The following GREB1L variants were observed in gnomAD, a reference collection of about 807,000 sequenced individuals.
GREB1L encodes GREB1-like protein.
A neutral mutation model predicts 200.8 loss-of-function variants in GREB1L; 17 were observed. The ratio of observed to expected loss-of-function variants is 0.08; its 90% CI spans 0.06 to 0.13. The LOEUF (loss-of-function observed/expected upper bound fraction) is 0.13, where lower values mean the gene tolerates loss of function less well. Among genes scored for constraint, GREB1L ranks in the 10% least tolerant of loss-of-function variants. GREB1L has a pLI of 1.00. For missense variants in GREB1L, 1,657 were observed against 2,367.7 expected (o/e 0.70, Z 6.23); for synonymous variants, 789 against 893.0 (o/e 0.88, Z 2.08).
At chr18:21,312,534 T>TTTTATTTATTTA (rs551473535) in intron 1 of GREB1L, among the ~76,000 whole-genome samples, 46 of 150,552 alleles carry the variant, frequency 3.1e-4, no homozygotes, top group African/African-American at 1.1e-3. Flanking sequence ...TTATTCTTTA[T>TTTTATTTATTTA]TTTATTTATT....
chr18:21,386,593 C>CTT (rs35010034), intron 4 of GREB1L, among the ~76,000 whole-genome samples: 30,694 of 114,950 alleles, frequency 0.27, 6,395 homozygotes, highest in African/African-American at 0.54. Flanking sequence ...TGGCCAGTAG[C>CTT]TTTTTTTTTT....
chr18:21,431,895 T>TAA (rs1016173424), intron 7 of GREB1L, among the ~76,000 whole-genome samples: 5 of 151,278 alleles, frequency 3.3e-5, no homozygotes, highest in African/African-American at 1.2e-4. Context: ...ATTTTTGTCT[T>TAA]AGAGTCTATT....
chr18:21,489,841 A>G (rs990010962), intron 18 of GREB1L, among the ~76,000 whole-genome samples, 171 bp from the exon 19 acceptor site: 2 of 152,134 alleles, frequency 1.3e-5, no homozygotes, highest in African/African-American at 4.8e-5. Flanking sequence ...TGGAAGCTCA[A>G]CCTTTTCCTT....
At chr18:21,389,336 T>TTTTTG (rs1458992560) in intron 4 of GREB1L, among the ~76,000 whole-genome samples, 1 of 145,528 alleles carries the variant, frequency 6.9e-6, no homozygotes, top group African/African-American at 2.6e-5. Flanking sequence ...GGGGTGGGTT[T>TTTTTG]TTTTTTTTTT....
chr18:21,275,281 A>G (rs1407290709), intron 1 of GREB1L, among the ~76,000 whole-genome samples: 2 of 152,078 alleles, frequency 1.3e-5, no homozygotes, highest in Non-Finnish European at 2.9e-5. Context: ...CATAAAGGGA[A>G]GGAGAGAAAC....
chr18:21,459,179 A>G lies in GREB1L; in HGVS notation c.2182+4616A>G, dbSNP rs183089971. 2.6e-5 allele frequency among the ~76,000 whole-genome samples: 4 copies of G among 152,262 alleles called. No individual in the cohort carries two copies. The East Asian group carries it at 5.8e-4, about 22-fold the overall frequency. ...GCTGATATAGAGATTACTCTATTCA[A>G]ATGGACATAAGGCAGTTTTAAGGAA... is the stretch of plus-strand genomic sequence containing the variant. On this transcript the variant is annotated intron_variant, in intron 15 of 32. Transcript: ENST00000424526.
At chr18:21,301,902 A>G (rs2038623533) in intron 1 of GREB1L, among the ~76,000 whole-genome samples, 1 of 152,218 alleles carries the variant, frequency 6.6e-6, no homozygotes, top group South Asian at 2.1e-4. Flanking sequence ...TGATCTGGCC[A>G]TTGCTGGCAC....
At chr18:21,321,355 C>A (rs986762086) in intron 1 of GREB1L, among the ~76,000 whole-genome samples, 2 of 151,938 alleles carry the variant, frequency 1.3e-5, no homozygotes, top group African/African-American at 4.8e-5. Context: ...AATCTTCCAT[C>A]AACAGATTGA....
At chr18:21,255,347 C>T (rs984827224) in intron 1 of GREB1L, among the ~76,000 whole-genome samples, 1 of 152,148 alleles carries the variant, frequency 6.6e-6, no homozygotes, top group African/African-American at 2.4e-5. Context: ...CTTAGGCACA[C>T]AAGTCCCACT....
chr18:21,280,783 A>C (rs1050989309), intron 1 of GREB1L, among the ~76,000 whole-genome samples: 1 of 152,056 alleles, frequency 6.6e-6, no homozygotes, highest in African/African-American at 2.4e-5. Context: ...GCTCTTATTT[A>C]AGAGTAGTGC....
chr18:21,384,246 A>G lies in GREB1L; in HGVS notation c.198A>G (p.Val66=). 1 of 1,551,446 alleles carries G rather than the reference A, an allele frequency of 6.4e-7. No homozygotes were observed. The highest frequency in any genetic ancestry group is 8.7e-7 in the Non-Finnish European group (1 of 1,146,770). ...PKVEDLDKDL[V]NRYTQNGSLD... The stretch of plus-strand genomic sequence containing the variant: ...TGGAGGATCTGGACAAAGATTTGGT[A>G]AACCGCTACACTCAAAATGGAAGTC... Residue 66 remains valine (V), a synonymous_variant, in exon 4 of 33, where the codon GTA becomes GTG. Transcript: ENST00000424526.
At chr18:21,510,498 T>C (rs2037196337) in intron 27 of GREB1L, among the ~76,000 whole-genome samples, 1 of 152,228 alleles carries the variant, frequency 6.6e-6, no homozygotes, top group Admixed American at 6.5e-5. Context: ...GGTTCATCCA[T>C]GTTGTAGCAT....
chr18:21,468,960 G>A (rs2035374916), intron 15 of GREB1L: 1 of 323,540 alleles, frequency 3.1e-6, no homozygotes, highest in Non-Finnish European at 6.2e-6. Flanking sequence ...AGTACATGAG[G>A]TTGATGTTTT....
chr18:21,448,873 G>A (rs186901984), intron 11 of GREB1L, among the ~76,000 whole-genome samples: 18 of 152,252 alleles, frequency 1.2e-4, no homozygotes, highest in Non-Finnish European at 1.8e-4. Flanking sequence ...GCTCCAACTG[G>A]TTGGAGAAGA....
At chr18:21,390,836 A>G (rs1304171013) in intron 4 of GREB1L, among the ~76,000 whole-genome samples, 3 of 152,310 alleles carry the variant, frequency 2.0e-5, no homozygotes, top group East Asian at 1.9e-4. Flanking sequence ...CGCCAGGCCA[A>G]CAAAAAAAGT....
At chr18:21,440,486 A>G (rs893982648) in intron 9 of GREB1L, 98 bp downstream of exon 9, 5 of 1,195,724 alleles carry the variant, frequency 4.2e-6, no homozygotes, top group African/African-American at 3.0e-5. Flanking sequence ...AATGAGTTAT[A>G]TGAGGATATT....
At chr18:21,406,981 T>C (rs1274869271) in intron 7 of GREB1L, among the ~76,000 whole-genome samples, 1 of 151,870 alleles carries the variant, frequency 6.6e-6, no homozygotes, top group East Asian at 1.9e-4. Flanking sequence ...TTCAAGAGAT[T>C]CTCCTGCCCT....
At chr18:21,296,678 A>G (rs970317551) in intron 1 of GREB1L, among the ~76,000 whole-genome samples, 39 of 150,614 alleles carry the variant, frequency 2.6e-4, no homozygotes, top group African/African-American at 9.5e-4. Flanking sequence ...TTTTTGAGAC[A>G]GAGTCTCACT....
intron 1 of GREB1L, among the ~76,000 whole-genome samples, chr18:21,364,017 A>G (rs949467252): frequency 6.6e-6 from 1 of 152,208 alleles, no homozygotes; most frequent in African/African-American, 2.4e-5. Flanking sequence ...TTTAAAGATT[A>G]AATTAGAAAT....
Sources: gnomAD v4.1 joint callset for allele counts (sites outside exome capture counted in the v4.1 genomes callset) on GRCh38, gnomAD v4.1.1 for gene constraint, MANE v1.5 for transcripts, NCBI Gene and HGNC (gene_info 2026-07-23, HGNC 2026-07-21) for gene names.